The following PCDHGA5 variants were observed in gnomAD, a reference collection of about 807,000 sequenced individuals.
PCDHGA5 encodes protocadherin gamma-A5.
A neutral mutation model predicts 56.7 loss-of-function variants in PCDHGA5; 36 were observed. The observed-to-expected ratio is 0.64, with a 90% CI of 0.49 to 0.84. PCDHGA5 has a LOEUF of 0.84. Among genes scored for constraint, PCDHGA5 ranks in the 40% least tolerant of loss-of-function variants. PCDHGA5 has a pLI of 0.00. For synonymous variants in PCDHGA5, 563 were observed against 520.2 expected (o/e 1.08, Z -1.12); for missense variants, 1,305 against 1,201.5 (o/e 1.09, Z -1.27).
intron 1 of PCDHGA5, chr5:141,420,314 A>G (rs1454977890): frequency 6.9e-7 from 1 of 1,442,692 alleles, no homozygotes; most frequent in African/African-American, 1.4e-5. Flanking sequence ...TTTATATTAC[A>G]ATATGCCAAT....
chr5:141,370,570 G>A (rs1373345113), intron 1 of PCDHGA5: 2 of 1,613,946 alleles, frequency 1.2e-6, no homozygotes, highest in African/African-American at 1.3e-5. Flanking sequence ...TTTGGCGTGG[G>A]GGATTTACCT....
intron 1 of PCDHGA5, chr5:141,427,862 C>T (rs748112227): frequency 2.6e-6 from 4 of 1,556,778 alleles, no homozygotes; most frequent in East Asian, 4.5e-5. Context: ...TGTGCGCCTT[C>T]GAGCTCACGA....
chr5:141,441,442 C>G (rs938839707), intron 1 of PCDHGA5: 1 of 160,500 alleles, frequency 6.2e-6, no homozygotes, highest in African/African-American at 2.4e-5. Context: ...CTCGTCCAGC[C>G]CAAGCATCAC....
At chr5:141,374,511 T>A in intron 1 of PCDHGA5, 2 of 1,611,912 alleles carry the variant, frequency 1.2e-6, no homozygotes, top group Non-Finnish European at 8.5e-7. Flanking sequence ...GTGAAAATTC[T>A]CGAAAACGCA....
intron 1 of PCDHGA5, chr5:141,409,804 C>T (rs766279863): frequency 6.2e-7 from 1 of 1,611,772 alleles, no homozygotes; most frequent in South Asian, 1.1e-5. Context: ...CGCTGCAGGC[C>T]CGCGACCACG....
At chr5:141,415,401 G>A (rs1408496357) in intron 1 of PCDHGA5, 9 of 1,614,088 alleles carry the variant, frequency 5.6e-6, no homozygotes, top group East Asian at 2.2e-5. Context: ...TGTCCGGCTC[G>A]CACTTTGTGG....
intron 1 of PCDHGA5, among the ~76,000 whole-genome samples, chr5:141,447,276 A>G (rs2098532917): frequency 6.6e-6 from 1 of 151,994 alleles, no homozygotes; most frequent in South Asian, 2.1e-4. Flanking sequence ...AGTAGCTGGG[A>G]CTACAGGCAC....
At chr5:141,500,930 G>A (rs1300719832) in intron 2 of PCDHGA5, among the ~76,000 whole-genome samples, 4 of 151,824 alleles carry the variant, frequency 2.6e-5, no homozygotes, top group Admixed American at 6.6e-5. Context: ...GTGCAGTGGC[G>A]CCATCTCGGC....
chr5:141,433,837 CAAA>C (rs56191208), intron 1 of PCDHGA5, among the ~76,000 whole-genome samples: 5 of 111,684 alleles, frequency 4.5e-5, no homozygotes, highest in Admixed American at 2.0e-4. Flanking sequence ...AACTCTATCT[CAAA>C]AAAAAAAAAA....
chr5:141,381,798 C>CTCTTTCTTTCTTTCTTTCTT (rs372235829), intron 1 of PCDHGA5, among the ~76,000 whole-genome samples: 32 of 144,170 alleles, frequency 2.2e-4, no homozygotes, highest in African/African-American at 7.7e-4. Flanking sequence ...AGGCAATTCC[C>CTCTTTCTTTCTTTCTTTCTT]TCTTTCTTTC....
Position 141,394,739 on chromosome 5 carries a change from C to A in PCDHGA5, c.2421+27988C>A, listed in dbSNP as rs377359689. 7.4e-6 allele frequency: 12 copies of A among 1,613,272 alleles called. No individual in the cohort carries two copies. In the African/African-American group the frequency reaches 1.2e-4, roughly 16 times the overall value. ...ACAGAGATGCGCTCAAGCAGAGCCT[C>A]GTGGTGGCCGTCCAGGACCATGGCC... On this transcript the variant is annotated intron_variant, in intron 1 of 3. Coordinates refer to ENST00000518069, the MANE Select transcript of PCDHGA5 (RefSeq NM_018918.3).
At chr5:141,453,201 C>A (rs115660512) in intron 1 of PCDHGA5, among the ~76,000 whole-genome samples, 1 of 152,206 alleles carries the variant, frequency 6.6e-6, no homozygotes, top group South Asian at 2.1e-4. Flanking sequence ...GCAGCCTCAA[C>A]CTCGTGCACT....
chr5:141,396,922 C>T lies in PCDHGA5; in HGVS notation c.2421+30171C>T, dbSNP rs576253766. Among the ~76,000 whole-genome samples, 68 of 152,290 alleles carry T rather than the reference C, an allele frequency of 4.5e-4. 1 individual carries two copies. The highest frequency in any genetic ancestry group is 1.5e-3 in the African/African-American group (61 of 41,560). ...TTGGCACTTTGCAATTTTAAAAACT[C>T]GGATGAAAGTTGCCCTGGTAGGAAA... On this transcript the variant is annotated intron_variant, in intron 1 of 3. Transcript: ENST00000518069.
intron 1 of PCDHGA5, among the ~76,000 whole-genome samples, chr5:141,444,466 C>A (rs539222916): frequency 1.3e-5 from 2 of 151,982 alleles, no homozygotes; most frequent in African/African-American, 4.8e-5. Flanking sequence ...TCACTGCGCC[C>A]GGTCGCGTAC....
intron 1 of PCDHGA5, chr5:141,404,984 C>T (rs779919758): frequency 6.2e-7 from 1 of 1,614,034 alleles, no homozygotes; most frequent in African/African-American, 1.3e-5. Context: ...CCTGGGCAGT[C>T]TTCAGATCCC....
Position 141,394,654 on chromosome 5 carries a change from C to G in PCDHGA5, c.2421+27903C>G, listed in dbSNP as rs372355655. On this transcript the variant is annotated intron_variant, in intron 1 of 3. Transcript: ENST00000518069. Reference sequence around the variant, plus strand: ...TACCGCCTGCTCAAGGCCAGCGAGCCGGGACTCTTCTCGGTGGGTCTGCAC... The same window carrying G: ...TACCGCCTGCTCAAGGCCAGCGAGCGGGGACTCTTCTCGGTGGGTCTGCAC... 47 of 1,613,236 alleles carry G rather than the reference C, an allele frequency of 2.9e-5. No homozygotes were observed. The African/African-American group carries it at 5.7e-4, about 20-fold the overall frequency.
intron 1 of PCDHGA5, among the ~76,000 whole-genome samples, chr5:141,449,673 G>A (rs7725811): frequency 0.049 from 7,346 of 150,528 alleles, 281 homozygotes; most frequent in African/African-American, 0.1. Flanking sequence ...AAGTGTGTAT[G>A]TATATATGTT....
chr5:141,410,730 C>CT (rs1191642079), intron 1 of PCDHGA5: 2 of 1,347,822 alleles, frequency 1.5e-6, no homozygotes, highest in Admixed American at 2.5e-5. Context: ...AAATCCATAG[C>CT]TTTTTACAAT....
Position 141,486,416 on chromosome 5 carries a change from C to G in PCDHGA5, c.2422-8391C>G. The G allele has an allele frequency of 4.3e-6, 7 of 1,614,152 alleles. No homozygotes were observed. The highest frequency in any genetic ancestry group is 5.9e-6 in the Non-Finnish European group (7 of 1,180,016). On this transcript the variant is annotated intron_variant, in intron 1 of 3. Coordinates refer to ENST00000518069, the MANE Select transcript of PCDHGA5 (RefSeq NM_018918.3). The surrounding 1 kb of genome is among the most constrained non-coding windows in gnomAD (Gnocchi z 5.0). Reference sequence around the variant, plus strand: ...CCTGGTGACTGCTGGACCCTTGGATCGAGAGGCCAAATCTAGCTATGACAT... The same window carrying G: ...CCTGGTGACTGCTGGACCCTTGGATGGAGAGGCCAAATCTAGCTATGACAT...
Sources: gnomAD v4.1 joint callset for allele counts (sites outside exome capture counted in the v4.1 genomes callset) on GRCh38, gnomAD v4.1.1 for gene constraint, Gnocchi (gnomAD v3.1) non-coding constraint, MANE v1.5 for transcripts, NCBI Gene and HGNC (gene_info 2026-07-23, HGNC 2026-07-21) for gene names.